The following STEAP4 variants were observed in gnomAD, a reference collection of about 807,000 sequenced individuals.
STEAP4 encodes STEAP4 metalloreductase, also known as metalloreductase STEAP4.
STEAP4 carries 36 observed loss-of-function variants against 43.6 expected under a neutral mutation model. The ratio of observed to expected loss-of-function variants is 0.83; its 90% CI spans 0.63 to 1.09. The LOEUF (loss-of-function observed/expected upper bound fraction) is 1.09, where lower values mean the gene tolerates loss of function less well. STEAP4 is among the 50% of genes least tolerant of loss of function. STEAP4 has a pLI of 0.00. For synonymous variants in STEAP4, 191 were observed against 196.7 expected, an observed-to-expected ratio of 0.97 and a Z score of 0.24; for missense variants, 495 against 546.5, an observed-to-expected ratio of 0.91 and a Z score of 0.94.
chr7:88,297,814 C>T (rs1467792401), intron 1 of STEAP4, among the ~76,000 whole-genome samples: 1 of 151,984 alleles, frequency 6.6e-6, no homozygotes, highest in Non-Finnish European at 1.5e-5. Flanking sequence ...GGGTTACATC[C>T]CAATAAGCTC....
rs554402172 is a variant in STEAP4 at position 88,280,180 on chromosome 7, G to A, written c.1150-552C>T. The stretch of plus-strand genomic sequence containing the variant: ...CATGTTGACTGCATTTGGTCCCTGG[G>A]AGAAATTGCAAGACTTAAGATTCCA... On this transcript the variant is annotated intron_variant, in intron 4 of 4. Transcript: ENST00000380079. Among the ~76,000 whole-genome samples the A allele has an allele frequency of 1.6e-3, 238 of 152,314 alleles. 1 individual carries two copies. Among genetic ancestry groups the A allele is most frequent in the Middle Eastern group, 3.4e-3 (1 of 294 alleles).
chr7:88,286,874 A>T (rs887248906), intron 1 of STEAP4, among the ~76,000 whole-genome samples: 1 of 152,086 alleles, frequency 6.6e-6, no homozygotes, highest in Non-Finnish European at 1.5e-5. Context: ...TCAAACCAAG[A>T]GTAGTCCTCC....
At chr7:88,293,024 G>A (rs1019406863) in intron 1 of STEAP4, 2 of 152,094 alleles carry the variant, frequency 1.3e-5, no homozygotes, top group East Asian at 1.9e-4. Flanking sequence ...ATTTCTCTGC[G>A]ATAAAGACCC....
intron 1 of STEAP4, among the ~76,000 whole-genome samples, chr7:88,306,458 A>T (rs1197164980): frequency 6.6e-6 from 1 of 152,252 alleles, no homozygotes; most frequent in Non-Finnish European, 1.5e-5. Context: ...TGCTAAAGCC[A>T]CATTCTTCCA....
intron 1 of STEAP4, among the ~76,000 whole-genome samples, chr7:88,301,818 C>T (rs1029695708): frequency 3.9e-5 from 6 of 152,158 alleles, no homozygotes; most frequent in Admixed American, 6.5e-5. Context: ...TCAGGCAATC[C>T]GCCCGCCTCA....
chr7:88,301,598 C>T (rs62486436), intron 1 of STEAP4, among the ~76,000 whole-genome samples: 1 of 149,060 alleles, frequency 6.7e-6, no homozygotes, highest in Non-Finnish European at 1.5e-5. Flanking sequence ...TTTTTTTTTC[C>T]AGACAGCTGG....
At chr7:88,284,651 A>C (rs1053177716) in intron 1 of STEAP4, among the ~76,000 whole-genome samples, 3 of 152,214 alleles carry the variant, frequency 2.0e-5, no homozygotes, top group Non-Finnish European at 4.4e-5. Context: ...GCAGCTTGTT[A>C]ATAGAAGGTT....
chr7:88,283,176 A>G lies in STEAP4; in HGVS notation c.457-8T>C, dbSNP rs1178856812. 1.3e-6 allele frequency: 2 copies of G among 1,524,068 alleles called. No homozygotes were observed. Among genetic ancestry groups the G allele is most frequent in the South Asian group, 2.7e-5 (2 of 73,876 alleles). 94.4% of individuals were successfully genotyped at this position (1,524,068 alleles called of 1,614,324 possible). A position where few individuals can be genotyped will look rare whatever the true frequency, so the allele number is the denominator to read the frequency against. On this transcript the variant is annotated splice_polypyrimidine_tract_variant and splice_region_variant and intron_variant, in intron 2 of 4. Coordinates refer to ENST00000380079, the MANE Select transcript of STEAP4 (RefSeq NM_024636.4). ...ATTTCCACACACAAACACCTAGTTT[A>G]AAAACAGTTAATTAATTCTGTATTT...
At chr7:88,293,138 G>A (rs991337835) in intron 1 of STEAP4, 1 of 152,148 alleles carries the variant, frequency 6.6e-6, no homozygotes, top group Admixed American at 6.6e-5. Flanking sequence ...GTATTTATGA[G>A]TCATGATTTT....
chr7:88,296,078 C>T (rs756398584), intron 1 of STEAP4, among the ~76,000 whole-genome samples: 1 of 152,088 alleles, frequency 6.6e-6, no homozygotes, highest in African/African-American at 2.4e-5. Flanking sequence ...TTCCATAACT[C>T]TCTCAAGGAA....
In STEAP4 at chr7:88,276,256, A is replaced by C. The variant is rs150310778; in HGVS notation, c.*3142T>G. 46 of 152,376 alleles carry C rather than the reference A, an allele frequency of 3.0e-4. No individual in the cohort carries two copies. The highest frequency in any genetic ancestry group is 1.1e-3 in the African/African-American group (44 of 41,578). 9.4% of individuals were successfully genotyped at this position (152,376 alleles called of 1,614,324 possible). On this transcript the variant is annotated 3_prime_UTR_variant, in exon 5 of 5. Coordinates refer to ENST00000380079, the MANE Select transcript of STEAP4 (RefSeq NM_024636.4). ...CTGAGCTCAAGCTTACATTGCAAGA[A>C]GCTGCAGATCTGTTAATGCACTTTC...
chr7:88,280,875 G>T, intron 4 of STEAP4, 40 bp downstream of exon 4: 1 of 1,498,476 alleles, frequency 6.7e-7, no homozygotes, highest in Non-Finnish European at 8.9e-7. Context: ...GGAAGTGATG[G>T]AGCAAAATGA....
At position 88,282,905 on chromosome 7, in the gene STEAP4, A is replaced by G; in HGVS notation, c.720T>C (p.Ile240=). The change falls in exon 3 of 5, where the codon ATT becomes ATC. Residue 240 remains isoleucine, a synonymous_variant. Transcript: ENST00000380079. ...EKKDNTFRMA[I]SIPNRIFPIT... is the part of the protein sequence containing the mutation. ...TTGGAAAGATACGATTTGGAATGGA[A>G]ATAGCCATACGAAATGTATTATCTT... 6.2e-7 allele frequency: 1 copy of G among 1,614,230 alleles called. No homozygotes were observed. The highest frequency in any genetic ancestry group is 8.5e-7 in the Non-Finnish European group (1 of 1,180,052).
rs1453970660 is a variant in STEAP4, at chr7:88,278,923, T to A, written c.*475A>T. 6.4e-6 allele frequency: 1 copy of A among 156,450 alleles called. No individual in the cohort carries two copies. The highest frequency in any genetic ancestry group is 6.1e-5 in the Admixed American group (1 of 16,462). The allele number at this position is 156,450 out of a possible 1,614,324, so 9.7% of individuals were successfully genotyped here. ...CTTCCAAAAAACAACAAAAACCTCA[T>A]TCCCTTTTTACATTTCATGTGACCC... On this transcript the variant is annotated 3_prime_UTR_variant, in exon 5 of 5. Coordinates refer to ENST00000380079, the MANE Select transcript of STEAP4 (RefSeq NM_024636.4).
intron 1 of STEAP4, among the ~76,000 whole-genome samples, chr7:88,301,391 G>A (rs757126596): frequency 3.9e-5 from 6 of 151,988 alleles, no homozygotes; most frequent in Non-Finnish European, 7.4e-5. Flanking sequence ...TCCCACTTCC[G>A]CCTCCCAAGT....
chr7:88,276,042 G>A lies in STEAP4; in HGVS notation c.*3356C>T, dbSNP rs1852508815. On this transcript the variant is annotated 3_prime_UTR_variant, in exon 5 of 5. Transcript: ENST00000380079. Reference sequence around the variant, plus strand: ...TCACGCAGTCTGAATCCAACCTGAAGTCTGCTTGTCAAGCCATTAGCCTTA... The same window carrying A: ...TCACGCAGTCTGAATCCAACCTGAAATCTGCTTGTCAAGCCATTAGCCTTA... The A allele has an allele frequency of 6.6e-6, 1 of 152,166 alleles. No homozygotes were observed. The highest frequency in any genetic ancestry group is 1.5e-5 in the Non-Finnish European group (1 of 68,016). The allele number at this position is 152,166 out of a possible 1,614,324, so 9.4% of individuals were successfully genotyped here.
intron 1 of STEAP4, among the ~76,000 whole-genome samples, chr7:88,286,701 A>G (rs989710105): frequency 1.3e-5 from 2 of 151,494 alleles, no homozygotes; most frequent in African/African-American, 4.9e-5. Flanking sequence ...ACAGAGTGAG[A>G]CTCTGTCCCC....
chr7:88,284,745 A>G (rs1001491287), intron 1 of STEAP4, among the ~76,000 whole-genome samples: 1 of 152,172 alleles, frequency 6.6e-6, no homozygotes, highest in East Asian at 1.9e-4. Flanking sequence ...AATATAACTT[A>G]AAAGATTAAA....
intron 1 of STEAP4, chr7:88,304,150 T>A (rs926180299): frequency 3.3e-5 from 5 of 151,888 alleles, no homozygotes; most frequent in Non-Finnish European, 7.4e-5. Flanking sequence ...ACACGTGGAC[T>A]CAGGAAGGGG....
Sources: allele counts gnomAD v4.1 joint callset (sites outside exome capture counted in the v4.1 genomes callset), GRCh38; gene constraint gnomAD v4.1.1; transcripts MANE v1.5; gene names NCBI Gene and HGNC (gene_info 2026-07-23, HGNC 2026-07-21).